The following MEP1A variants were observed in gnomAD, a reference collection of about 807,000 sequenced individuals.
The protein encoded by MEP1A is meprin A subunit alpha.
MEP1A carries 68 observed loss-of-function variants against 84.5 expected under a neutral mutation model. That is an observed-to-expected ratio of 0.80 (90% confidence interval 0.66 to 0.98). The LOEUF (loss-of-function observed/expected upper bound fraction) is 0.98, where lower values mean the gene tolerates loss of function less well. Among genes scored for constraint, MEP1A ranks in the 50% least tolerant of loss-of-function variants. The pLI is 0.00. For missense variants in MEP1A, 887 were observed against 919.9 expected, an observed-to-expected ratio of 0.96 and a Z score of 0.46; for synonymous variants, 337 against 336.8, an observed-to-expected ratio of 1.00 and a Z score of -0.01.
At chr6:46,814,913 G>T (rs142984057) in intron 6 of MEP1A, among the ~76,000 whole-genome samples, 1 of 152,202 alleles carries the variant, frequency 6.6e-6, no homozygotes, top group African/African-American at 2.4e-5. Context: ...AGGTCTTGCA[G>T]CTATGGACAC....
chr6:46,831,843 G>A (rs989452445), intron 10 of MEP1A, among the ~76,000 whole-genome samples: 2 of 152,078 alleles, frequency 1.3e-5, no homozygotes, highest in African/African-American at 4.8e-5. Flanking sequence ...CATGCTCTCC[G>A]CAGGAGAGGG....
At chr6:46,830,956 G>A (rs1768061705) in intron 10 of MEP1A, among the ~76,000 whole-genome samples, 1 of 152,100 alleles carries the variant, frequency 6.6e-6, no homozygotes, top group Non-Finnish European at 1.5e-5. Context: ...ATATTGATGG[G>A]ACCTATTATC....
intron 7 of MEP1A, among the ~76,000 whole-genome samples, chr6:46,822,891 A>G (rs568579778): frequency 6.6e-6 from 1 of 152,238 alleles, no homozygotes; most frequent in African/African-American, 2.4e-5. Flanking sequence ...ACATCCAGTG[A>G]GTTGAAAGTG....
intron 5 of MEP1A, among the ~76,000 whole-genome samples, chr6:46,800,661 G>C (rs931098564): frequency 6.6e-6 from 1 of 152,152 alleles, no homozygotes; most frequent in African/African-American, 2.4e-5. Context: ...AACTAGAGTT[G>C]AATATTTGTA....
At chr6:46,807,827 GA>G (rs1767398568) in intron 5 of MEP1A, among the ~76,000 whole-genome samples, 1 of 149,970 alleles carries the variant, frequency 6.7e-6, no homozygotes, top group African/African-American at 2.4e-5. Context: ...AAGAAAGAAA[GA>G]AAGAAAGAAA....
At chr6:46,830,247 TAAAAAAAAAAAA>T (rs56033423) in intron 10 of MEP1A, among the ~76,000 whole-genome samples, 2 of 50,092 alleles carry the variant, frequency 4.0e-5, no homozygotes, top group Admixed American at 4.9e-4. Flanking sequence ...AGACTCCATC[TAAAAAAAAAAAA>T]AAAAAAAAAA....
At position 46,829,460 on chromosome 6, in the gene MEP1A, C is replaced by A; in HGVS notation, c.1033C>A (p.Gln345Lys). 6.2e-7 allele frequency: 1 copy of A among 1,614,132 alleles called. No individual in the cohort carries two copies. The highest frequency in any genetic ancestry group is 2.2e-5 in the East Asian group (1 of 44,878). ...LYPKRKQQCL[Q>K]FFYKMTGSPS... ...CCCAAAGAGGAAGCAGCAGTGCCTG[C>A]AATTTTTCTATAAAATGACGGGAAG... Residue 345 changes from glutamine (Q) to lysine (K), a missense_variant, in exon 10 of 14, where the codon CAA (glutamine) becomes AAA (lysine). Gln to Lys is a moderately conservative substitution (Grantham distance 53). Coordinates refer to ENST00000230588, the MANE Select transcript of MEP1A (RefSeq NM_005588.3).
chr6:46,810,605 A>AGATTTAAATCCATCAGGTCAAGATG (rs1263184986), intron 6 of MEP1A, among the ~76,000 whole-genome samples: 1 of 152,134 alleles, frequency 6.6e-6, no homozygotes, highest in Non-Finnish European at 1.5e-5. Context: ...TTCAGGTCTT[A>AGATTTAAATCCATCAGGTCAAGATG]GATTTAAGTC....
chr6:46,807,836 A>AAAGAAAGAAAGAAAGG (rs1179106341), intron 5 of MEP1A, among the ~76,000 whole-genome samples: 2 of 113,746 alleles, frequency 1.8e-5, no homozygotes, highest in African/African-American at 5.9e-5. Flanking sequence ...AGAAAGAAAG[A>AAAGAAAGAAAGAAAGG]AAGGAAGAAA....
intron 7 of MEP1A, among the ~76,000 whole-genome samples, chr6:46,824,794 A>AAT (rs376236802): frequency 2.4e-5 from 2 of 84,864 alleles, no homozygotes; most frequent in East Asian, 2.8e-4. Flanking sequence ...GATGTATTTA[A>AAT]ATATATATAA....
chr6:46,811,648 C>G (rs1270324983), intron 6 of MEP1A, among the ~76,000 whole-genome samples: 2 of 151,902 alleles, frequency 1.3e-5, no homozygotes, highest in African/African-American at 2.4e-5. Flanking sequence ...TATGTCCTTT[C>G]TGTGCCAATT....
In MEP1A at chr6:46,834,725, AC is replaced by A. The variant is rs1429621890; in HGVS notation, c.1759del (p.Leu587SerfsTer25). On this transcript the variant is annotated frameshift_variant, in exon 12 of 14. Transcript: ENST00000230588. LOFTEE classifies it high-confidence loss of function. ...LKRRSFLKNDDLIIFVDFEDI... is the reference protein window; with the variant it reads ...LKRRSFLKNDXLIIFVDFEDI... ...AGGAGGAGTTTCCTGAAAAATGATGACCTCATCATATTTGTGGACTTTGAAG... is the reference window on the plus strand; with the variant it reads ...AGGAGGAGTTTCCTGAAAAATGATGACTCATCATATTTGTGGACTTTGAAG... 6.2e-7 allele frequency: 1 copy of A among 1,611,466 alleles called. No individual in the cohort carries two copies.
chr6:46,843,357 A>C (rs544244512), downstream of MEP1A, among the ~76,000 whole-genome samples: 37 of 152,374 alleles, frequency 2.4e-4, no homozygotes, highest in Non-Finnish European at 4.1e-4. Context: ...AGGGAAAACT[A>C]GGACCAAACA....
intron 7 of MEP1A, among the ~76,000 whole-genome samples, chr6:46,820,505 C>T (rs1041865563): frequency 3.9e-5 from 6 of 152,140 alleles, no homozygotes; most frequent in African/African-American, 1.4e-4. Flanking sequence ...ATTCTCCTGC[C>T]TCAGGGAGGC....
At chr6:46,813,250 T>G (rs1181635755) in intron 6 of MEP1A, among the ~76,000 whole-genome samples, 1 of 152,152 alleles carries the variant, frequency 6.6e-6, no homozygotes, top group Non-Finnish European at 1.5e-5. Context: ...TGCAAATACG[T>G]GGAAATTAAA....
rs1461950805 is a variant in MEP1A, at chr6:46,809,597, T to A, written c.380+60T>A. ...ATACTTTGGTTCGTAAGAAGTATTC[T>A]TTCCCCGAGTCCCCAAAGTCCAATG... On this transcript the variant is annotated intron_variant, in intron 6 of 13. Transcript: ENST00000230588. The A allele has an allele frequency of 1.4e-5, 15 of 1,092,678 alleles. No individual in the cohort carries two copies. In the Admixed American group the frequency reaches 2.6e-4, roughly 19 times the overall value. 67.7% of individuals were successfully genotyped at this position (1,092,678 alleles called of 1,614,324 possible).
Position 46,799,167 on chromosome 6 carries a change from T to C in MEP1A, c.248T>C (p.Leu83Ser), listed in dbSNP as rs1767136984. ...TRWTFPIPYILADNLGLNAKG... is the reference protein window; with the variant it reads ...TRWTFPIPYISADNLGLNAKG... ...TGGACGTTCCCCATTCCTTACATCT[T>C]GGCTGATAATTTGGGTAATATTAAT... Residue 83 changes from leucine (L) to serine (S), a missense_variant, in exon 5 of 14, where the codon TTG (leucine) becomes TCG (serine). Transcript: ENST00000230588. The C allele has an allele frequency of 6.2e-7, 1 of 1,608,622 alleles. No individual in the cohort carries two copies. The highest frequency in any genetic ancestry group is 8.5e-7 in the Non-Finnish European group (1 of 1,175,082).
chr6:46,819,249 C>T (rs1225002243), intron 6 of MEP1A, among the ~76,000 whole-genome samples: 1 of 152,150 alleles, frequency 6.6e-6, no homozygotes, highest in Non-Finnish European at 1.5e-5. Context: ...TTGCTTTCTA[C>T]CTTGACGAAT....
rs145282794 is a variant in MEP1A at position 46,832,662 on chromosome 6, C to T, written c.1145-412C>T. Reference sequence around the variant, plus strand: ...AGCTCTCTGGCAACAAGTGACAGGTCGGACCATATGGAGTTACTATTTTTT... The same window carrying T: ...AGCTCTCTGGCAACAAGTGACAGGTTGGACCATATGGAGTTACTATTTTTT... On this transcript the variant is annotated intron_variant, in intron 10 of 13. Coordinates refer to ENST00000230588, the MANE Select transcript of MEP1A (RefSeq NM_005588.3). Among the ~76,000 whole-genome samples, 10 of 152,090 alleles carry T rather than the reference C, an allele frequency of 6.6e-5. No homozygotes were observed. The East Asian group carries it at 7.7e-4, about 12-fold the overall frequency.
Sources: allele counts gnomAD v4.1 joint callset (sites outside exome capture counted in the v4.1 genomes callset), GRCh38; gene constraint gnomAD v4.1.1; transcripts MANE v1.5; gene names NCBI Gene and HGNC (gene_info 2026-07-23, HGNC 2026-07-21).